Variants in BCAS3 observed in about 807,000 individuals in gnomAD.
BCAS3 encodes BCAS4/BCAS3 fusion.
BCAS3 carries 53 observed loss-of-function variants against 116.1 expected under a neutral mutation model. The ratio of observed to expected loss-of-function variants is 0.46; its 90% CI spans 0.37 to 0.57. The LOEUF is 0.57. BCAS3 is among the 20% of genes least tolerant of loss of function. BCAS3 has a pLI of 0.00. For synonymous variants in BCAS3, 391 were observed against 408.2 expected (o/e 0.96, Z 0.51); for missense variants, 917 against 1,165.4 (o/e 0.79, Z 3.10).
rs151110789 is a variant in BCAS3 at position 61,097,877 on chromosome 17, A to G, written c.2425+13313A>G. ...CTCTTTCTACCCTGCCTAATCAAAT[A>G]TTCATTTCAAAACACTGTATGCTGA... is the stretch of plus-strand genomic sequence containing the variant. On this transcript the variant is annotated intron_variant, in intron 22 of 23. Coordinates refer to ENST00000407086, the MANE Select transcript of BCAS3 (RefSeq NM_017679.5). This position sits in a 1 kb window ranked among gnomAD's most constrained non-coding sequence, Gnocchi z 4.0. 1.3e-5 allele frequency among the ~76,000 whole-genome samples: 2 copies of G among 152,352 alleles called. No homozygotes were observed. Among genetic ancestry groups the G allele is most frequent in the African/African-American group, 4.8e-5 (2 of 41,594 alleles).
At chr17:61,066,408 T>C (rs1157121189) in intron 19 of BCAS3, among the ~76,000 whole-genome samples, 1 of 152,250 alleles carries the variant, frequency 6.6e-6, no homozygotes, top group Non-Finnish European at 1.5e-5. Flanking sequence ...TGTAGTCTTT[T>C]AACTTTTACA....
rs988400618 is a variant in BCAS3 at position 61,019,710 on chromosome 17, A to G, written c.1637+3809A>G. 3.9e-5 allele frequency among the ~76,000 whole-genome samples: 6 copies of G among 152,086 alleles called. No individual in the cohort carries two copies. Among genetic ancestry groups the G allele is most frequent in the African/African-American group, 1.4e-4 (6 of 41,418 alleles). ...TTATTAAATTTTTTTTACTATGACA[A>G]ATTCTTAAGACTGGAGTTAGCTAAT... On this transcript the variant is annotated intron_variant, in intron 16 of 23. Coordinates refer to ENST00000407086, the MANE Select transcript of BCAS3 (RefSeq NM_017679.5). This position sits in a 1 kb window ranked among gnomAD's most constrained non-coding sequence, Gnocchi z 5.6.
At position 61,063,373 on chromosome 17, in the gene BCAS3, G is replaced by A. The variant is rs761540327; in HGVS notation, c.2030-11547G>A. Among the ~76,000 whole-genome samples, 3 of 151,926 alleles carry A rather than the reference G, an allele frequency of 2.0e-5. No homozygotes were observed. Among genetic ancestry groups the A allele is most frequent in the Non-Finnish European group, 4.4e-5 (3 of 67,978 alleles). ...CAGCCTTTGCCTCCTGGGTTCAAGC[G>A]ATTCTCACGCCTCAGCCTCCCGAGT... On this transcript the variant is annotated intron_variant, in intron 19 of 23. Coordinates refer to ENST00000407086, the MANE Select transcript of BCAS3 (RefSeq NM_017679.5). The surrounding 1 kb of genome is among the most constrained non-coding windows in gnomAD (Gnocchi z 5.3).
chr17:61,175,166 G>A (rs1029768732), intron 22 of BCAS3, among the ~76,000 whole-genome samples: 2 of 152,110 alleles, frequency 1.3e-5, no homozygotes, highest in Non-Finnish European at 2.9e-5. Context: ...CAGCACTTTC[G>A]GAGGCCAAGG....
chr17:61,078,565 A>C, intron 21 of BCAS3, 36 bp downstream of exon 21: 1 of 1,540,710 alleles, frequency 6.5e-7, no homozygotes, highest in East Asian at 2.2e-5. Context: ...TTTGAACAAA[A>C]GGATTAATAT....
chr17:60,769,601 G>A (rs1412658510), intron 6 of BCAS3, among the ~76,000 whole-genome samples: 3 of 152,126 alleles, frequency 2.0e-5, no homozygotes, highest in Non-Finnish European at 4.4e-5. Context: ...GGAGCAGCTA[G>A]GCAGGTGGTT....
intron 6 of BCAS3, among the ~76,000 whole-genome samples, chr17:60,761,591 A>T: frequency 6.6e-6 from 1 of 152,144 alleles, no homozygotes; most frequent in East Asian, 1.9e-4. Context: ...ACATTTTCTT[A>T]ATCCAGTCTA....
chr17:61,308,134 C>CA (rs2053989307), intron 22 of BCAS3, among the ~76,000 whole-genome samples: 1 of 146,022 alleles, frequency 6.8e-6, no homozygotes, highest in Admixed American at 6.7e-5. Flanking sequence ...GCACTGTAAA[C>CA]AACAGCATGG....
intron 9 of BCAS3, among the ~76,000 whole-genome samples, chr17:60,875,341 A>T (rs1003655410): frequency 1.3e-5 from 2 of 151,930 alleles, no homozygotes; most frequent in South Asian, 4.1e-4. Context: ...CTAATAGGAG[A>T]ATTTGTGGTA....
At position 61,276,728 on chromosome 17, in the gene BCAS3, T is replaced by A. The variant is rs1451382905; in HGVS notation, c.2426-91599T>A. ...GCTGATCCTAAAATTTACATATAAA[T>A]TCAAGGGTGCAGAAAAGCCGAAATA... On this transcript the variant is annotated intron_variant, in intron 22 of 23. Coordinates refer to ENST00000407086, the MANE Select transcript of BCAS3 (RefSeq NM_017679.5). The surrounding 1 kb of genome is among the most constrained non-coding windows in gnomAD (Gnocchi z 4.2). Among the ~76,000 whole-genome samples the A allele has an allele frequency of 6.6e-6, 1 of 152,100 alleles. No individual in the cohort carries two copies. The highest frequency in any genetic ancestry group is 1.5e-5 in the Non-Finnish European group (1 of 68,020).
At chr17:61,127,330 G>T (rs1457057209) in intron 22 of BCAS3, among the ~76,000 whole-genome samples, 1 of 151,940 alleles carries the variant, frequency 6.6e-6, no homozygotes, top group African/African-American at 2.4e-5. Context: ...GTAACCATTA[G>T]GTTTATAAAT....
intron 5 of BCAS3, among the ~76,000 whole-genome samples, chr17:60,731,780 ATT>A (rs538038279): frequency 1.4e-4 from 18 of 125,900 alleles, no homozygotes; most frequent in Admixed American, 1.6e-4. Flanking sequence ...TCACCCTCCT[ATT>A]TTTTTTTTTT....
chr17:61,360,617 C>G (rs73993471), intron 22 of BCAS3, among the ~76,000 whole-genome samples: 1 of 152,194 alleles, frequency 6.6e-6, no homozygotes, highest in Non-Finnish European at 1.5e-5. Context: ...TGGGCTTCTT[C>G]CTTCTGTGTC....
chr17:61,157,760 GTAT>G (rs1169500031), intron 22 of BCAS3, among the ~76,000 whole-genome samples: 1 of 152,212 alleles, frequency 6.6e-6, no homozygotes, highest in African/African-American at 2.4e-5. Flanking sequence ...TGAATGGAAA[GTAT>G]TATCGCTGGC....
chr17:60,737,576 A>C (rs967230801), intron 5 of BCAS3, among the ~76,000 whole-genome samples: 1 of 151,870 alleles, frequency 6.6e-6, no homozygotes, highest in Non-Finnish European at 1.5e-5. Context: ...GCATTTCACA[A>C]ATTTTCTTAA....
chr17:61,122,015 A>T lies in BCAS3; in HGVS notation c.2425+37451A>T, dbSNP rs1189834423. On this transcript the variant is annotated intron_variant, in intron 22 of 23. Transcript: ENST00000407086. This position sits in a 1 kb window ranked among gnomAD's most constrained non-coding sequence, Gnocchi z 4.6. Reference sequence around the variant, plus strand: ...AATGCTGGGATTACAGGCGTGAGCCACTGTGCCCGGCCAAAAACATATGAT... The same window carrying T: ...AATGCTGGGATTACAGGCGTGAGCCTCTGTGCCCGGCCAAAAACATATGAT... Among the ~76,000 whole-genome samples the T allele has an allele frequency of 6.6e-6, 1 of 152,242 alleles. No homozygotes were observed.
chr17:61,030,921 C>T (rs766101811), intron 16 of BCAS3, among the ~76,000 whole-genome samples: 42 of 151,386 alleles, frequency 2.8e-4, no homozygotes, highest in African/African-American at 7.5e-4. Flanking sequence ...AGGAGTCCAT[C>T]GAGAGTATGT....
rs1406959181 is a variant in BCAS3 at position 61,258,393 on chromosome 17, A to G, written c.2426-109934A>G. On this transcript the variant is annotated intron_variant, in intron 22 of 23. Transcript: ENST00000407086. This position sits in a 1 kb window ranked among gnomAD's most constrained non-coding sequence, Gnocchi z 4.7. ...CTAGGAGGCTGCATGGTATGATCAA[A>G]AGAACACAGGTTTTTAGAGGCAGGT... Among the ~76,000 whole-genome samples, 27 of 152,254 alleles carry G rather than the reference A, an allele frequency of 1.8e-4. No individual in the cohort carries two copies. The highest frequency in any genetic ancestry group is 1.8e-3 in the Admixed American group (27 of 15,288).
chr17:61,010,419 G>A (rs1312261775), intron 15 of BCAS3, among the ~76,000 whole-genome samples: 1 of 151,760 alleles, frequency 6.6e-6, no homozygotes, highest in Non-Finnish European at 1.5e-5. Flanking sequence ...CAAAGTACAC[G>A]TACCTGTAGA....
Sources: allele counts gnomAD v4.1 joint callset (sites outside exome capture counted in the v4.1 genomes callset), GRCh38; gene constraint gnomAD v4.1.1; non-coding constraint Gnocchi (gnomAD v3.1); transcripts MANE v1.5; gene names NCBI Gene and HGNC (gene_info 2026-07-23, HGNC 2026-07-21).